Variants in MFHAS1 observed in about 807,000 individuals in gnomAD.
MFHAS1 encodes multifunctional ROCO family signaling regulator 1.
MFHAS1 carries 50 observed loss-of-function variants against 70.4 expected under a neutral mutation model. The ratio of observed to expected loss-of-function variants is 0.71; its 90% CI spans 0.57 to 0.90. The LOEUF (loss-of-function observed/expected upper bound fraction) is 0.90. Ranked by LOEUF, MFHAS1 falls within the 40% of genes least tolerant of loss-of-function variation. The pLI, the probability that MFHAS1 is intolerant of heterozygous loss-of-function variation, is 0.00. For synonymous variants in MFHAS1, 952 were observed against 620.0 expected, an observed-to-expected ratio of 1.54 and a Z score of -7.96; for missense variants, 1,795 against 1,347.6, an observed-to-expected ratio of 1.33 and a Z score of -5.20.
intron 1 of MFHAS1, among the ~76,000 whole-genome samples, chr8:8,857,273 G>T (rs1354647073): frequency 2.0e-5 from 3 of 152,154 alleles, no homozygotes; most frequent in African/African-American, 7.2e-5. Context: ...GCAACTTTCA[G>T]TGGTTAACCA....
chr8:8,792,548 G>A (rs1245612939), intron 2 of MFHAS1, among the ~76,000 whole-genome samples: 1 of 152,280 alleles, frequency 6.6e-6, no homozygotes, highest in East Asian at 1.9e-4. Flanking sequence ...GGAGGTTGTG[G>A]TGAGCCAAGA....
At chr8:8,855,365 G>C (rs1808398945) in intron 1 of MFHAS1, among the ~76,000 whole-genome samples, 1 of 152,212 alleles carries the variant, frequency 6.6e-6, no homozygotes, top group Non-Finnish European at 1.5e-5. Flanking sequence ...GAAAGAGCCA[G>C]ACCTGAACTA....
intron 1 of MFHAS1, among the ~76,000 whole-genome samples, chr8:8,815,149 G>A (rs1806694422): frequency 6.6e-6 from 1 of 152,112 alleles, no homozygotes; most frequent in South Asian, 2.1e-4. Flanking sequence ...AGTTTGCTGA[G>A]GATGATGGGT....
chr8:8,867,521 G>T (rs758724010), intron 1 of MFHAS1, among the ~76,000 whole-genome samples: 1 of 151,172 alleles, frequency 6.6e-6, no homozygotes, highest in Non-Finnish European at 1.5e-5. Flanking sequence ...ATTATTACAC[G>T]CCAATAAGCT....
intron 1 of MFHAS1, among the ~76,000 whole-genome samples, chr8:8,826,357 C>G (rs896747224): frequency 4.6e-5 from 7 of 152,032 alleles, no homozygotes; most frequent in Non-Finnish European, 1.0e-4. Context: ...CAGGGAAGAA[C>G]ACGTGCCTAA....
At chr8:8,832,425 TCACACA>T (rs35913215) in intron 1 of MFHAS1, among the ~76,000 whole-genome samples, 13,352 of 143,622 alleles carry the variant, frequency 0.093, 723 homozygotes, top group Middle Eastern at 0.15. Flanking sequence ...ACAAGATACT[TCACACA>T]CACACACACA....
chr8:8,856,231 C>T (rs1023564176), intron 1 of MFHAS1, among the ~76,000 whole-genome samples: 2 of 152,190 alleles, frequency 1.3e-5, no homozygotes, highest in Non-Finnish European at 2.9e-5. Flanking sequence ...GGGCATGGTA[C>T]AAGAGTCACT....
intron 1 of MFHAS1, among the ~76,000 whole-genome samples, chr8:8,870,568 G>A (rs751104743): frequency 4.6e-5 from 7 of 152,136 alleles, no homozygotes; most frequent in Admixed American, 2.0e-4. Context: ...CCCATCACAC[G>A]TCAGGGGCCC....
chr8:8,802,947 G>C (rs140533591), intron 1 of MFHAS1, among the ~76,000 whole-genome samples: 6 of 152,284 alleles, frequency 3.9e-5, no homozygotes, highest in Non-Finnish European at 8.8e-5. Context: ...CTTACCCAAG[G>C]TATGCAGGCT....
At position 8,891,724 on chromosome 8, in the gene MFHAS1, C is replaced by G. The variant is rs373170092; in HGVS notation, c.1335G>C (p.Lys445Asn). ...EGCPGGGDKE[K>N]CYPPSPPPVS... The stretch of plus-strand genomic sequence containing the variant: ...CAGGGGGAGGTGACGGTGGGTAGCA[C>G]TTCTCCTTGTCCCCTCCTCCTGGGC... The change falls in exon 1 of 3, where the codon AAG (lysine) becomes AAC (asparagine). Residue 445 changes from lysine to asparagine, a missense_variant. Coordinates refer to ENST00000276282, the MANE Select transcript of MFHAS1 (RefSeq NM_004225.3). The surrounding 1 kb of genome is among the most constrained non-coding windows in gnomAD (Gnocchi z 5.4). The G allele has an allele frequency of 6.2e-7, 1 of 1,613,322 alleles. No homozygotes were observed. Among genetic ancestry groups the G allele is most frequent in the African/African-American group, 1.3e-5 (1 of 74,924 alleles).
chr8:8,796,211 C>CA (rs1805887935), intron 2 of MFHAS1, among the ~76,000 whole-genome samples: 1 of 152,184 alleles, frequency 6.6e-6, no homozygotes, highest in African/African-American at 2.4e-5. Context: ...TCTCTGTCTT[C>CA]AAGTCCATTT....
At chr8:8,887,576 T>C (rs1809815412) in intron 1 of MFHAS1, among the ~76,000 whole-genome samples, 2 of 149,972 alleles carry the variant, frequency 1.3e-5, no homozygotes, top group South Asian at 4.2e-4. Context: ...ATTTTATAAT[T>C]ATATGTATAT....
At chr8:8,799,038 A>T (rs1360471269) in intron 1 of MFHAS1, among the ~76,000 whole-genome samples, 1 of 149,112 alleles carries the variant, frequency 6.7e-6, no homozygotes, top group Non-Finnish European at 1.5e-5. Flanking sequence ...ACAGAGTGAG[A>T]ATCTGTCTCA....
chr8:8,890,853 T>C lies in MFHAS1; in HGVS notation c.2206A>G (p.Ile736Val). Reference protein sequence around the residue: ...VFHNLTRLIDILNVFFQRDPS... With the variant: ...VFHNLTRLIDVLNVFFQRDPS... Reference sequence around the variant, plus strand: ...TCCCTCTGGAAGAAGACATTGAGGATGTCGATGAGGCGGGTGAGGTTGTGG... The same window carrying C: ...TCCCTCTGGAAGAAGACATTGAGGACGTCGATGAGGCGGGTGAGGTTGTGG... Residue 736 changes from isoleucine to valine, a missense_variant, in exon 1 of 3, where the codon ATC becomes GTC. Coordinates refer to ENST00000276282, the MANE Select transcript of MFHAS1 (RefSeq NM_004225.3). The C allele has an allele frequency of 6.2e-7, 1 of 1,614,106 alleles. No homozygotes were observed. Among genetic ancestry groups the C allele is most frequent in the Non-Finnish European group, 8.5e-7 (1 of 1,180,008 alleles).
At chr8:8,793,067 G>C (rs1805772889) in intron 2 of MFHAS1, among the ~76,000 whole-genome samples, 1 of 152,116 alleles carries the variant, frequency 6.6e-6, no homozygotes, top group South Asian at 2.1e-4. Context: ...GGTGCAGAAG[G>C]GGAGGCATTT....
At position 8,797,350 on chromosome 8, in the gene MFHAS1, A is replaced by T. The variant is rs1299947850; in HGVS notation, c.3125+15T>A. 3 of 1,612,772 alleles carry T rather than the reference A, an allele frequency of 1.9e-6. No homozygotes were observed. The Admixed American group carries it at 5.0e-5, about 27-fold the overall frequency. ...GGAGCCAGGTCCCGGGGCCAGAGGG[A>T]CTTTGAGAACTCACTTGGAACAGGG... On this transcript the variant is annotated intron_variant, in intron 2 of 2. Coordinates refer to ENST00000276282, the MANE Select transcript of MFHAS1 (RefSeq NM_004225.3).
At chr8:8,821,222 C>G (rs1806943926) in intron 1 of MFHAS1, among the ~76,000 whole-genome samples, 1 of 152,182 alleles carries the variant, frequency 6.6e-6, no homozygotes, top group African/African-American at 2.4e-5. Context: ...TTAGCAGCTT[C>G]TGTGCAAAGC....
chr8:8,785,911 T>C lies in MFHAS1; in HGVS notation c.*111A>G. The stretch of plus-strand genomic sequence containing the variant: ...GCACCCTGCAAGCACGCGTTGTCAC[T>C]CAAGTTCACAGAACACGCTGGGGTG... On this transcript the variant is annotated 3_prime_UTR_variant, in exon 3 of 3. Transcript: ENST00000276282. The C allele has an allele frequency of 1.2e-6, 1 of 866,292 alleles. No homozygotes were observed. Among genetic ancestry groups the C allele is most frequent in the Non-Finnish European group, 1.7e-6 (1 of 584,848 alleles). The allele number at this position is 866,292 out of a possible 1,614,324, so 53.7% of individuals were successfully genotyped here. A position where few individuals can be genotyped will look rare whatever the true frequency, so the allele number is the denominator to read the frequency against.
In MFHAS1 at chr8:8,797,150, T is replaced by TA. The variant is rs11355520; in HGVS notation, c.3125+214dup. Among the ~76,000 whole-genome samples the TA allele has an allele frequency of 5.9e-3, 828 of 141,506 alleles. 7 individuals carry two copies. The highest frequency in any genetic ancestry group is 0.018 in the African/African-American group (672 of 37,944). The allele number at this position is 141,506 out of a possible 152,430, so 92.8% of individuals were successfully genotyped here. Reference sequence around the variant, plus strand: ...AATGTTCTGACTTTATTAGCTAAAGTAAAAAAAAAAAAAAAAATCACAAAA... The same window carrying TA: ...AATGTTCTGACTTTATTAGCTAAAGTAAAAAAAAAAAAAAAAAATCACAAAA... On this transcript the variant is annotated intron_variant, in intron 2 of 2. Transcript: ENST00000276282.
Sources: allele counts gnomAD v4.1 joint callset (sites outside exome capture counted in the v4.1 genomes callset), GRCh38; gene constraint gnomAD v4.1.1; non-coding constraint Gnocchi (gnomAD v3.1); transcripts MANE v1.5; gene names NCBI Gene and HGNC (gene_info 2026-07-23, HGNC 2026-07-21).